Variants in OSBPL10 observed in about 807,000 individuals in gnomAD.
OSBPL10 encodes the protein oxysterol-binding protein-related protein 10.
OSBPL10 carries 49 observed loss-of-function variants against 81.7 expected under a neutral mutation model. The observed-to-expected ratio is 0.60, with a 90% CI of 0.48 to 0.76. The LOEUF (loss-of-function observed/expected upper bound fraction) is 0.76, where lower values mean the gene tolerates loss of function less well. Among genes scored for constraint, OSBPL10 ranks in the 30% least tolerant of loss-of-function variants. The probability of loss-of-function intolerance (pLI) is 0.00; values close to 1 mark genes in which losing one functional copy is unlikely to be tolerated. For missense variants in OSBPL10, 923 were observed against 987.8 expected (o/e 0.93, Z 0.88); for synonymous variants, 419 against 383.6 (o/e 1.09, Z -1.08).
At chr3:32,048,538 C>T (rs1429331667) in intron 1 of OSBPL10, among the ~76,000 whole-genome samples, 1 of 152,114 alleles carries the variant, frequency 6.6e-6, no homozygotes, top group African/African-American at 2.4e-5. Flanking sequence ...AACTCCTGAC[C>T]TCAGGTGATC....
intron 4 of OSBPL10, among the ~76,000 whole-genome samples, chr3:31,829,333 G>A (rs1176250389): frequency 6.6e-6 from 1 of 152,194 alleles, no homozygotes; most frequent in Non-Finnish European, 1.5e-5. Context: ...GGGATACTAA[G>A]GATCTGGGAT....
At chr3:31,766,780 ATT>A (rs1421555624) in intron 4 of OSBPL10, among the ~76,000 whole-genome samples, 1 of 152,242 alleles carries the variant, frequency 6.6e-6, no homozygotes, top group Non-Finnish European at 1.5e-5. Flanking sequence ...ATAATGGAGC[ATT>A]TCTCTAAACT....
intron 3 of OSBPL10, among the ~76,000 whole-genome samples, chr3:31,866,836 A>G (rs1390239941): frequency 1.3e-5 from 2 of 152,104 alleles, no homozygotes; most frequent in Non-Finnish European, 2.9e-5. Context: ...GGGATGGGGA[A>G]AAAGAAAAAA....
intron 6 of OSBPL10, chr3:31,709,048 T>C (rs1696168950): frequency 7.1e-6 from 7 of 985,290 alleles, no homozygotes; most frequent in Admixed American, 1.2e-4. Flanking sequence ...GGGGACCTTA[T>C]CTTGCCATTT....
intron 3 of OSBPL10, among the ~76,000 whole-genome samples, chr3:31,845,899 C>G (rs142501843): frequency 1.2e-3 from 177 of 152,324 alleles, no homozygotes; most frequent in African/African-American, 4.2e-3. Context: ...TATTTGACTT[C>G]AAGAGGAATC....
At chr3:31,703,277 A>G (rs192024758) in intron 6 of OSBPL10, among the ~76,000 whole-genome samples, 1 of 152,338 alleles carries the variant, frequency 6.6e-6, no homozygotes, top group African/African-American at 2.4e-5. Flanking sequence ...TTACAAGGTT[A>G]ACTTGCCCTC....
intron 1 of OSBPL10, among the ~76,000 whole-genome samples, chr3:31,948,522 G>A (rs765260818): frequency 2.0e-5 from 3 of 152,064 alleles, no homozygotes; most frequent in Non-Finnish European, 4.4e-5. Context: ...GAATCTCCAC[G>A]ACCACACTCG....
chr3:31,800,985 A>T (rs1699363165), intron 4 of OSBPL10, among the ~76,000 whole-genome samples: 1 of 145,768 alleles, frequency 6.9e-6, no homozygotes, highest in Non-Finnish European at 1.5e-5. Flanking sequence ...TGACCAAAAA[A>T]AGTTAACCTT....
intron 1 of OSBPL10, among the ~76,000 whole-genome samples, chr3:32,073,530 A>G (rs528855504): frequency 1.3e-5 from 2 of 151,980 alleles, no homozygotes; most frequent in Non-Finnish European, 2.9e-5. Context: ...ACTCTCCCCT[A>G]CTTCCCTAAA....
intron 7 of OSBPL10, among the ~76,000 whole-genome samples, chr3:31,699,070 C>A (rs770632155): frequency 6.6e-6 from 1 of 152,192 alleles, no homozygotes; most frequent in Non-Finnish European, 1.5e-5. Context: ...GAACACGTTA[C>A]AAATTGTTGC....
In OSBPL10 at chr3:31,981,201, CG is replaced by C; in HGVS notation, c.-23del. 1 of 1,332,904 alleles carries C rather than the reference CG, an allele frequency of 7.5e-7. No homozygotes were observed. Among genetic ancestry groups the C allele is most frequent in the Non-Finnish European group, 9.6e-7 (1 of 1,042,932 alleles). The allele number at this position is 1,332,904 out of a possible 1,614,324, so 82.6% of individuals were successfully genotyped here. A position where few individuals can be genotyped will look rare whatever the true frequency, so the allele number is the denominator to read the frequency against. Reference sequence around the variant, plus strand: ...CCATGGTCCGTGGGCGCCCGGGACGCGGGTGCCCGCCGCGGTGGCGGCCCCG... The same window carrying C: ...CCATGGTCCGTGGGCGCCCGGGACGCGGTGCCCGCCGCGGTGGCGGCCCCG... On this transcript the variant is annotated 5_prime_UTR_variant, in exon 1 of 12. Coordinates refer to ENST00000396556, the MANE Select transcript of OSBPL10 (RefSeq NM_017784.5). The surrounding 1 kb of genome is among the most constrained non-coding windows in gnomAD (Gnocchi z 4.5).
chr3:31,863,279 G>C (rs182769812), intron 3 of OSBPL10, among the ~76,000 whole-genome samples: 2 of 152,172 alleles, frequency 1.3e-5, no homozygotes, highest in Non-Finnish European at 2.9e-5. Context: ...ATAGAAATGG[G>C]GGGTGACTGA....
At chr3:31,909,966 A>G (rs1202427882) in intron 1 of OSBPL10, among the ~76,000 whole-genome samples, 2 of 148,764 alleles carry the variant, frequency 1.3e-5, no homozygotes, top group Non-Finnish European at 3.0e-5. Context: ...ATCATTTTGC[A>G]TCCTTGTCTC....
rs757923088 is a variant in OSBPL10, at chr3:31,975,779, C to T, written c.281+5120G>A. Among the ~76,000 whole-genome samples, 48 of 152,316 alleles carry T rather than the reference C, an allele frequency of 3.2e-4. 1 individual carries two copies. Among genetic ancestry groups the T allele is most frequent in the Middle Eastern group, 3.4e-3 (1 of 294 alleles). ...CTCAAATAGAACTAAGCCCTGGTTT[C>T]CCTCTCTGACATTTATTCATTTTTT... On this transcript the variant is annotated intron_variant, in intron 1 of 11. Coordinates refer to ENST00000396556, the MANE Select transcript of OSBPL10 (RefSeq NM_017784.5).
intron 9 of OSBPL10, 142 bp from the exon 10 acceptor site, chr3:31,668,966 G>A (rs1041206948): frequency 4.7e-6 from 3 of 637,572 alleles, no homozygotes; most frequent in Non-Finnish European, 7.7e-6. Context: ...TCAAAGACTA[G>A]CTCTTAAAAG....
In OSBPL10 at chr3:31,757,215, A is replaced by G. The variant is rs557761035; in HGVS notation, c.730-9095T>C. 5.3e-5 allele frequency among the ~76,000 whole-genome samples: 8 copies of G among 152,298 alleles called. No homozygotes were observed. In the East Asian group the frequency reaches 1.4e-3, roughly 26 times the overall value. On this transcript the variant is annotated intron_variant, in intron 4 of 11. Coordinates refer to ENST00000396556, the MANE Select transcript of OSBPL10 (RefSeq NM_017784.5). ...TCCCAGTATCTTAGAATAGAACCCTATTTGGAGATTGGTTCTCTATAAAGG... is the reference window on the plus strand; with the variant it reads ...TCCCAGTATCTTAGAATAGAACCCTGTTTGGAGATTGGTTCTCTATAAAGG...
intron 8 of OSBPL10, among the ~76,000 whole-genome samples, chr3:31,679,471 A>G (rs1055121930): frequency 1.3e-5 from 2 of 152,222 alleles, no homozygotes; most frequent in African/African-American, 2.4e-5. Flanking sequence ...GGATGAATGG[A>G]TAAGTGAATG....
At chr3:31,752,601 T>G (rs1300636657) in intron 4 of OSBPL10, among the ~76,000 whole-genome samples, 1 of 152,024 alleles carries the variant, frequency 6.6e-6, no homozygotes, top group Non-Finnish European at 1.5e-5. Flanking sequence ...ATAGCATCAG[T>G]GGCTGCAGAA....
intron 1 of OSBPL10, among the ~76,000 whole-genome samples, chr3:31,894,097 C>T (rs1191667597): frequency 2.0e-5 from 3 of 152,132 alleles, no homozygotes; most frequent in African/African-American, 7.2e-5. Context: ...TTTCAGTTGA[C>T]AAGATTTGAT....
Sources: allele counts gnomAD v4.1 joint callset (sites outside exome capture counted in the v4.1 genomes callset), GRCh38; gene constraint gnomAD v4.1.1; non-coding constraint Gnocchi (gnomAD v3.1); transcripts MANE v1.5; gene names NCBI Gene and HGNC (gene_info 2026-07-23, HGNC 2026-07-21).